Variants in NETO2 observed in about 807,000 individuals in gnomAD.
NETO2 encodes the protein neuropilin and tolloid-like protein 2.
NETO2 carries 28 observed loss-of-function variants against 62.5 expected under a neutral mutation model. The ratio of observed to expected loss-of-function variants is 0.45; its 90% CI spans 0.33 to 0.61. The LOEUF (loss-of-function observed/expected upper bound fraction) is 0.61. NETO2 is among the 20% of genes least tolerant of loss of function. NETO2 has a pLI of 0.02. For missense variants in NETO2, 548 were observed against 643.2 expected, an observed-to-expected ratio of 0.85 and a Z score of 1.60; for synonymous variants, 214 against 219.1, an observed-to-expected ratio of 0.98 and a Z score of 0.21.
intron 7 of NETO2, among the ~76,000 whole-genome samples, chr16:47,105,485 A>G (rs1428791343): frequency 6.6e-6 from 1 of 152,190 alleles, no homozygotes. Context: ...AAAAACCCAC[A>G]TTAATTTGGG....
At chr16:47,115,527 A>G (rs1448819964) in intron 6 of NETO2, among the ~76,000 whole-genome samples, 1 of 149,994 alleles carries the variant, frequency 6.7e-6, no homozygotes, top group East Asian at 1.9e-4. Context: ...TAAAAATTCA[A>G]CTGATTTTTT....
At chr16:47,140,619 A>G (rs1280153912) in intron 1 of NETO2, among the ~76,000 whole-genome samples, 1 of 152,206 alleles carries the variant, frequency 6.6e-6, no homozygotes, top group Non-Finnish European at 1.5e-5. Context: ...AAGACTTTTC[A>G]ATTGACAGTG....
At chr16:47,143,451 G>A in intron 1 of NETO2, 128 bp downstream of exon 1, 2 of 1,114,062 alleles carry the variant, frequency 1.8e-6, no homozygotes, top group Non-Finnish European at 2.2e-6. Flanking sequence ...GAGTAGCCGC[G>A]AGCCCCGCCA....
At chr16:47,115,275 C>T (rs1018349167) in intron 6 of NETO2, among the ~76,000 whole-genome samples, 2 of 152,024 alleles carry the variant, frequency 1.3e-5, no homozygotes, top group African/African-American at 4.8e-5. Flanking sequence ...AAAAATATAG[C>T]TGTGATTTTG....
At chr16:47,101,686 C>T (rs1424424400) in intron 7 of NETO2, among the ~76,000 whole-genome samples, 1 of 152,008 alleles carries the variant, frequency 6.6e-6, no homozygotes, top group Non-Finnish European at 1.5e-5. Context: ...TTCACAACTG[C>T]TACAAAGAGA....
At chr16:47,139,325 A>G (rs1256464058) in intron 1 of NETO2, among the ~76,000 whole-genome samples, 4 of 152,198 alleles carry the variant, frequency 2.6e-5, no homozygotes, top group Admixed American at 2.6e-4. Context: ...AAATGCGAGC[A>G]CAAATCAGGG....
intron 2 of NETO2, among the ~76,000 whole-genome samples, chr16:47,131,242 G>A (rs1289851682): frequency 1.3e-5 from 2 of 152,144 alleles, no homozygotes; most frequent in African/African-American, 4.8e-5. Flanking sequence ...CGGTAGGTGC[G>A]TGAAAGAGCT....
At position 47,128,388 on chromosome 16, in the gene NETO2, T is replaced by G; in HGVS notation, c.418A>C (p.Lys140Gln). Reference protein sequence around the residue: ...IRSTGRFMWIKFSSDEELEGL... With the variant: ...IRSTGRFMWIQFSSDEELEGL... ...TCAAGCTCTTCATCAGAACTAAACT[T>G]AATCCACATGAATCTCCCTGTTGAT... The change falls in exon 4 of 9, where the codon AAG (lysine) becomes CAG (glutamine). Residue 140 changes from lysine (K) to glutamine (Q), a missense_variant. Lys to Gln is a moderately conservative substitution (Grantham distance 53). Transcript: ENST00000562435. 6.2e-7 allele frequency: 1 copy of G among 1,614,130 alleles called. No homozygotes were observed. The highest frequency in any genetic ancestry group is 8.5e-7 in the Non-Finnish European group (1 of 1,179,994).
intron 6 of NETO2, among the ~76,000 whole-genome samples, chr16:47,113,121 T>G (rs1963836844): frequency 6.6e-6 from 1 of 152,242 alleles, no homozygotes; most frequent in South Asian, 2.1e-4. Context: ...AGTATACTTG[T>G]GTAGTAGCAT....
chr16:47,122,982 C>CG, intron 4 of NETO2, 70 bp from the exon 5 acceptor site: 1 of 1,418,318 alleles, frequency 7.1e-7, no homozygotes. Context: ...TCTTACATTA[C>CG]ATCTAACGTT....
In NETO2 at chr16:47,081,451, T is replaced by C. The variant is rs1222423138; in HGVS notation, c.*1770A>G. The C allele has an allele frequency of 6.6e-6, 1 of 152,498 alleles. No homozygotes were observed. The allele number at this position is 152,498 out of a possible 1,614,324, so 9.4% of individuals were successfully genotyped here. A position where few individuals can be genotyped will look rare whatever the true frequency, so the allele number is the denominator to read the frequency against. ...GACTTAAAAAAATTTAAATCATGAA[T>C]ACATTATGTATAGGTTTTTCTGTCT... On this transcript the variant is annotated 3_prime_UTR_variant, in exon 9 of 9. Transcript: ENST00000562435.
chr16:47,119,983 T>C (rs941157187), intron 6 of NETO2, among the ~76,000 whole-genome samples: 3 of 152,222 alleles, frequency 2.0e-5, no homozygotes, highest in Non-Finnish European at 2.9e-5. Context: ...AGATACTGTG[T>C]CCATTAAGCA....
At chr16:47,124,264 G>A (rs747981479) in intron 4 of NETO2, among the ~76,000 whole-genome samples, 8 of 152,004 alleles carry the variant, frequency 5.3e-5, no homozygotes, top group South Asian at 2.1e-4. Flanking sequence ...AATCTTAAAC[G>A]GCATGGCGGA....
chr16:47,116,390 TG>T (rs1479549151), intron 6 of NETO2, among the ~76,000 whole-genome samples: 1 of 152,222 alleles, frequency 6.6e-6, no homozygotes, highest in Non-Finnish European at 1.5e-5. Flanking sequence ...TTTTAACAAA[TG>T]GAGACAATCA....
chr16:47,141,681 T>C (rs1418700863), intron 1 of NETO2, among the ~76,000 whole-genome samples: 1 of 152,170 alleles, frequency 6.6e-6, no homozygotes, highest in Admixed American at 6.5e-5. Flanking sequence ...CCGCCACCAA[T>C]AGCAGCAACA....
intron 1 of NETO2, among the ~76,000 whole-genome samples, chr16:47,133,009 T>C (rs577340637): frequency 1.1e-4 from 17 of 152,302 alleles, no homozygotes; most frequent in South Asian, 2.1e-4. Flanking sequence ...ATAATGTATA[T>C]AGTATTTTTA....
chr16:47,089,030 C>A (rs1963256585), intron 7 of NETO2, among the ~76,000 whole-genome samples: 2 of 152,228 alleles, frequency 1.3e-5, no homozygotes, highest in Non-Finnish European at 2.9e-5. Flanking sequence ...AGTTTCAGTA[C>A]AACAGGTTAA....
intron 7 of NETO2, among the ~76,000 whole-genome samples, chr16:47,096,870 G>A (rs1963437011): frequency 1.3e-5 from 2 of 152,238 alleles, no homozygotes; most frequent in African/African-American, 4.8e-5. Context: ...TAGACAGTGG[G>A]TACAGCCCAC....
intron 7 of NETO2, among the ~76,000 whole-genome samples, chr16:47,096,400 G>A (rs1260774026): frequency 6.6e-6 from 1 of 152,120 alleles, no homozygotes; most frequent in Non-Finnish European, 1.5e-5. Context: ...TGACAAACCT[G>A]TGGCTAGAAT....
Sources: allele counts gnomAD v4.1 joint callset (sites outside exome capture counted in the v4.1 genomes callset), GRCh38; gene constraint gnomAD v4.1.1; transcripts MANE v1.5; gene names NCBI Gene and HGNC (gene_info 2026-07-23, HGNC 2026-07-21).